MXI1: variants seen among roughly 807,000 people sequenced by gnomAD.
The protein encoded by MXI1 is max-interacting protein 1.
A neutral mutation model predicts 36.9 loss-of-function variants in MXI1; 18 were observed. The ratio of observed to expected loss-of-function variants is 0.49; its 90% CI spans 0.34 to 0.72. MXI1 has a LOEUF of 0.72. MXI1 is among the 30% of genes least tolerant of loss of function. MXI1 has a pLI of 0.01. For synonymous variants in MXI1, 160 were observed against 146.7 expected (o/e 1.09, Z -0.65); for missense variants, 304 against 379.1 (o/e 0.80, Z 1.64).
intron 2 of MXI1, among the ~76,000 whole-genome samples, chr10:110,235,365 C>T (rs1304153820): frequency 2.0e-5 from 3 of 151,986 alleles, no homozygotes; most frequent in Non-Finnish European, 4.4e-5. Flanking sequence ...ATTATTGCCT[C>T]AGTTTCATGA....
intron 3 of MXI1, among the ~76,000 whole-genome samples, chr10:110,265,552 A>G (rs1321860664): frequency 6.6e-6 from 1 of 152,226 alleles, no homozygotes; most frequent in Non-Finnish European, 1.5e-5. Flanking sequence ...CAGAGGACTT[A>G]TAAAGATAAT....
At position 110,285,110 on chromosome 10, in the gene MXI1, T is replaced by A; in HGVS notation, c.*123T>A. 7 of 954,560 alleles carry A rather than the reference T, an allele frequency of 7.3e-6. No homozygotes were observed. Among genetic ancestry groups the A allele is most frequent in the African/African-American group, 1.7e-5 (1 of 59,416 alleles). 59.1% of individuals were successfully genotyped at this position (954,560 alleles called of 1,614,324 possible). ...AAAACAAAACAAAACAAAACAAAAC[T>A]ATACTTGAACAAAAGGGTCAGAGGA... On this transcript the variant is annotated 3_prime_UTR_variant, in exon 6 of 6. Transcript: ENST00000332674.
At chr10:110,238,706 G>C (rs191964495) in intron 2 of MXI1, among the ~76,000 whole-genome samples, 1 of 151,874 alleles carries the variant, frequency 6.6e-6, no homozygotes, top group Non-Finnish European at 1.5e-5. Context: ...TTGTGGGAAG[G>C]TTTTTTTAAA....
intron 2 of MXI1, among the ~76,000 whole-genome samples, chr10:110,240,688 T>C (rs552234528): frequency 6.6e-6 from 1 of 152,046 alleles, no homozygotes; most frequent in Non-Finnish European, 1.5e-5. Context: ...GCTAAAATTT[T>C]CTGGTTTTTT....
At chr10:110,227,873 G>T (rs1056411387) in intron 1 of MXI1, 1 of 324,748 alleles carries the variant, frequency 3.1e-6, no homozygotes, top group Middle Eastern at 1.0e-3. Flanking sequence ...CGAAGTCAAT[G>T]AGGTGAATGG....
intron 3 of MXI1, among the ~76,000 whole-genome samples, chr10:110,255,497 A>C (rs1362408379): frequency 2.0e-5 from 3 of 152,188 alleles, no homozygotes. Context: ...ATAAGGCTGT[A>C]TCTGCCATAG....
At chr10:110,231,321 T>G (rs2134362569) in intron 2 of MXI1, among the ~76,000 whole-genome samples, 1 of 151,790 alleles carries the variant, frequency 6.6e-6, no homozygotes, top group African/African-American at 2.4e-5. Flanking sequence ...GAGCTGAGAT[T>G]GCATCACTGC....
intron 3 of MXI1, 78 bp from the exon 4 acceptor site, chr10:110,279,102 G>C (rs758260892): frequency 8.9e-7 from 1 of 1,118,944 alleles, no homozygotes; most frequent in Non-Finnish European, 1.3e-6. Flanking sequence ...GCAAATTATT[G>C]TTTATCTTAA....
intron 5 of MXI1, among the ~76,000 whole-genome samples, chr10:110,280,876 A>G (rs1857223449): frequency 6.6e-6 from 1 of 152,154 alleles, no homozygotes; most frequent in Non-Finnish European, 1.5e-5. Flanking sequence ...GAAGTCAACC[A>G]AAAAAGAATG....
chr10:110,285,413 C>T lies in MXI1; in HGVS notation c.*426C>T, dbSNP rs14401. On this transcript the variant is annotated 3_prime_UTR_variant, in exon 6 of 6. Coordinates refer to ENST00000332674, the MANE Select transcript of MXI1 (RefSeq NM_130439.3). ...TCCTAAAAGCAAAATAAAAACTATT[C>T]GAATGAAAAGACAAGAAAATCAGGT... The T allele has an allele frequency of 0.39, 60,173 of 153,666 alleles. 14,550 individuals carry two copies. The highest frequency in any genetic ancestry group is 0.55 in the East Asian group (2,878 of 5,198). The allele number at this position is 153,666 out of a possible 1,614,324, so 9.5% of individuals were successfully genotyped here.
intron 5 of MXI1, among the ~76,000 whole-genome samples, chr10:110,282,491 A>G (rs1207842030): frequency 6.6e-5 from 10 of 152,226 alleles, no homozygotes; most frequent in Non-Finnish European, 1.3e-4. Context: ...TATAGCAGAA[A>G]TAACCCTGAC....
At chr10:110,248,512 T>C (rs751394894) in intron 3 of MXI1, among the ~76,000 whole-genome samples, 5 of 152,176 alleles carry the variant, frequency 3.3e-5, no homozygotes, top group African/African-American at 7.2e-5. Context: ...GGCATAGGTA[T>C]AACACATGTG....
intron 1 of MXI1, among the ~76,000 whole-genome samples, chr10:110,212,496 A>G (rs1854538251): frequency 6.6e-6 from 1 of 152,160 alleles, no homozygotes; most frequent in Admixed American, 6.5e-5. Context: ...CCTTCTCTTC[A>G]AGACTTAGAT....
intron 5 of MXI1, among the ~76,000 whole-genome samples, chr10:110,283,436 C>G (rs2096170): frequency 0.77 from 117,646 of 151,984 alleles, 45,864 homozygotes; most frequent in East Asian, 1. Flanking sequence ...GCTAATTTTT[C>G]TATTTTTAGC....
intron 2 of MXI1, among the ~76,000 whole-genome samples, chr10:110,231,360 C>A (rs2134362656): frequency 8.0e-6 from 1 of 124,616 alleles, no homozygotes; most frequent in East Asian, 2.6e-4. Context: ...GAGTGATAAT[C>A]CACCCCCCCC....
At chr10:110,260,580 A>G (rs1159868452) in intron 3 of MXI1, among the ~76,000 whole-genome samples, 2 of 151,992 alleles carry the variant, frequency 1.3e-5, no homozygotes, top group Non-Finnish European at 2.9e-5. Context: ...GGTACTTTGT[A>G]AATATCTAAA....
At chr10:110,252,496 CT>C (rs1205944446) in intron 3 of MXI1, among the ~76,000 whole-genome samples, 2 of 152,052 alleles carry the variant, frequency 1.3e-5, no homozygotes, top group Non-Finnish European at 2.9e-5. Flanking sequence ...TGCTCTAGTT[CT>C]TCATCATTAT....
intron 1 of MXI1, chr10:110,227,351 G>A: frequency 1.0e-6 from 1 of 986,068 alleles, no homozygotes. Context: ...TGTGTGCTGA[G>A]ATCGTGAGTG....
At chr10:110,272,271 A>T (rs920148490) in intron 3 of MXI1, among the ~76,000 whole-genome samples, 3 of 152,236 alleles carry the variant, frequency 2.0e-5, no homozygotes, top group African/African-American at 7.2e-5. Flanking sequence ...GTATAATGCA[A>T]ATATTCCAAA....
Sources: gnomAD v4.1 joint callset for allele counts (sites outside exome capture counted in the v4.1 genomes callset) on GRCh38, gnomAD v4.1.1 for gene constraint, MANE v1.5 for transcripts, NCBI Gene and HGNC (gene_info 2026-07-23, HGNC 2026-07-21) for gene names.